KLHL8: variants seen among roughly 807,000 people sequenced by gnomAD.
KLHL8 encodes the protein kelch like family member 8.
Under a neutral mutation model 63.5 loss-of-function variants are expected in KLHL8, and 38 were observed. The ratio of observed to expected loss-of-function variants is 0.60; its 90% confidence interval spans 0.46 to 0.78. The LOEUF (loss-of-function observed/expected upper bound fraction) is 0.78. KLHL8 is among the 30% of genes least tolerant of loss of function. The pLI is 0.00. For synonymous variants in KLHL8, 224 were observed against 254.3 expected (o/e 0.88, Z 1.13); for missense variants, 566 against 752.4 (o/e 0.75, Z 2.90).
At chr4:87,171,333 G>A (rs1730627290) in intron 6 of KLHL8, among the ~76,000 whole-genome samples, 1 of 152,182 alleles carries the variant, frequency 6.6e-6, no homozygotes, top group African/African-American at 2.4e-5. Context: ...GTTAATACAT[G>A]TAAAGCACTA....
chr4:87,191,654 T>C (rs1348434515), intron 2 of KLHL8, among the ~76,000 whole-genome samples: 1 of 152,082 alleles, frequency 6.6e-6, no homozygotes. Flanking sequence ...TGCATAGATA[T>C]ATTGCATCAT....
chr4:87,221,080 T>C (rs1176194877), upstream of KLHL8: 2 of 152,216 alleles, frequency 1.3e-5, no homozygotes, highest in Non-Finnish European at 2.9e-5. Flanking sequence ...AGCAGTTGAT[T>C]GACCTGAGAG....
At chr4:87,228,764 T>G (rs2110069078) in intron 1 of KLHL8, among the ~76,000 whole-genome samples, 1 of 152,324 alleles carries the variant, frequency 6.6e-6, no homozygotes. Context: ...GTATGTGAAT[T>G]TACTTCCCTG....
upstream of KLHL8, chr4:87,220,694 C>T (rs764280763): frequency 8.6e-5 from 13 of 151,786 alleles, no homozygotes; most frequent in Non-Finnish European, 1.8e-4. Context: ...TCCCCGAGGC[C>T]ACCCCCACGG....
chr4:87,166,945 C>T (rs7657465), intron 8 of KLHL8: 24,308 of 168,790 alleles, frequency 0.14, 3,916 homozygotes, highest in African/African-American at 0.41. Context: ...ATGCGGGGGC[C>T]GCTCCTGCCA....
At chr4:87,193,967 T>C (rs1731594407) in intron 2 of KLHL8, among the ~76,000 whole-genome samples, 2 of 152,212 alleles carry the variant, frequency 1.3e-5, no homozygotes, top group Non-Finnish European at 2.9e-5. Context: ...AAACACAGAA[T>C]CTTAAAATTT....
At chr4:87,167,558 C>T (rs1578357713) in intron 8 of KLHL8, 1 of 535,960 alleles carries the variant, frequency 1.9e-6, no homozygotes, top group East Asian at 5.0e-5. Context: ...TCTTTCTGCT[C>T]TGGGGCTGTT....
At chr4:87,187,577 T>A (rs1214328598) in intron 2 of KLHL8, among the ~76,000 whole-genome samples, 1 of 152,062 alleles carries the variant, frequency 6.6e-6, no homozygotes, top group Non-Finnish European at 1.5e-5. Context: ...TTCTCTTATA[T>A]AAAAACCCTA....
chr4:87,240,488 T>C (rs1478399131), upstream of KLHL8, among the ~76,000 whole-genome samples: 1 of 152,194 alleles, frequency 6.6e-6, no homozygotes, highest in East Asian at 1.9e-4. Context: ...CATTACAGCA[T>C]GAGTTATCTT....
chr4:87,167,481 A>G (rs1246932273), intron 8 of KLHL8: 4 of 522,312 alleles, frequency 7.7e-6, no homozygotes, highest in Non-Finnish European at 1.5e-5. Flanking sequence ...TCATAAGGAA[A>G]GAGGAGGCTG....
At chr4:87,181,989 G>C (rs113551402) in intron 4 of KLHL8, among the ~76,000 whole-genome samples, 22,515 of 151,966 alleles carry the variant, frequency 0.15, 3,509 homozygotes, top group African/African-American at 0.39. Flanking sequence ...AGCACTTCGG[G>C]AGGCCAAGGC....
At chr4:87,169,974 G>T in intron 8 of KLHL8, 105 bp downstream of exon 8, 1 of 840,106 alleles carries the variant, frequency 1.2e-6, no homozygotes, top group Non-Finnish European at 1.9e-6. Context: ...CACATTTCAG[G>T]ACCGATTCTA....
At chr4:87,179,852 A>G (rs1261023569) in intron 4 of KLHL8, among the ~76,000 whole-genome samples, 1 of 152,106 alleles carries the variant, frequency 6.6e-6, no homozygotes. Flanking sequence ...AAAAAAAAAA[A>G]CAGTGTAGTG....
At chr4:87,200,392 A>G (rs1731872513) in intron 1 of KLHL8, among the ~76,000 whole-genome samples, 1 of 152,154 alleles carries the variant, frequency 6.6e-6, no homozygotes, top group South Asian at 2.1e-4. Context: ...TCTCTAGATT[A>G]CTTATGATAC....
At chr4:87,214,417 T>G (rs1415040573) in intron 1 of KLHL8, among the ~76,000 whole-genome samples, 4 of 13,660 alleles carry the variant, frequency 2.9e-4, no homozygotes, top group Admixed American at 2.2e-3. Context: ...ACATAACAGA[T>G]ATATATATAT....
intron 1 of KLHL8, among the ~76,000 whole-genome samples, chr4:87,217,456 T>C (rs922546211): frequency 6.6e-6 from 1 of 152,008 alleles, no homozygotes; most frequent in African/African-American, 2.4e-5. Context: ...CACCTCAGTC[T>C]CCCGAGTAGC....
chr4:87,212,100 T>C (rs1391632285), intron 1 of KLHL8, among the ~76,000 whole-genome samples: 9 of 152,196 alleles, frequency 5.9e-5, no homozygotes. Context: ...TGAAATTAAA[T>C]ATTGCCAAAG....
chr4:87,167,507 T>C, intron 8 of KLHL8: 1 of 538,702 alleles, frequency 1.9e-6, no homozygotes, highest in South Asian at 1.4e-5. Flanking sequence ...AATTTACCAA[T>C]GCGGTTGTGT....
intron 8 of KLHL8, among the ~76,000 whole-genome samples, chr4:87,166,337 AAT>A (rs1730398351): frequency 6.6e-6 from 1 of 152,240 alleles, no homozygotes; most frequent in East Asian, 1.9e-4. Context: ...ATCTATAAGA[AAT>A]ATGTTAAGTA....
Sources: gnomAD v4.1 joint callset for allele counts (sites outside exome capture counted in the v4.1 genomes callset) on GRCh38, gnomAD v4.1.1 for gene constraint, MANE v1.5 for transcripts, NCBI Gene and HGNC (gene_info 2026-07-23, HGNC 2026-07-21) for gene names.